SNTA1: variants seen among roughly 807,000 people sequenced by gnomAD.
SNTA1 encodes the protein syntrophin alpha 1.
In SNTA1, 31 loss-of-function variants were observed where a neutral mutation model predicts 47.1. The ratio of observed to expected loss-of-function variants is 0.66; its 90% CI spans 0.49 to 0.89. The LOEUF is 0.89. Among genes scored for constraint, SNTA1 ranks in the 40% least tolerant of loss-of-function variants. The pLI, the probability that SNTA1 is intolerant of heterozygous loss-of-function variation, is 0.00. For synonymous variants in SNTA1, 300 were observed against 313.6 expected, an observed-to-expected ratio of 0.96 and a Z score of 0.46; for missense variants, 575 against 693.0, an observed-to-expected ratio of 0.83 and a Z score of 1.91.
At chr20:33,439,275 G>T (rs944925348) in intron 1 of SNTA1, among the ~76,000 whole-genome samples, 2 of 152,080 alleles carry the variant, frequency 1.3e-5, no homozygotes, top group African/African-American at 4.8e-5. Flanking sequence ...AGGCTGAGGT[G>T]GGCAGGTCAC....
At chr20:33,429,770 A>AT (rs1191395397) in intron 2 of SNTA1, among the ~76,000 whole-genome samples, 8 of 150,726 alleles carry the variant, frequency 5.3e-5, no homozygotes, top group South Asian at 2.1e-4. Flanking sequence ...TGAGCCACTT[A>AT]TTTTTTTTTC....
intron 2 of SNTA1, among the ~76,000 whole-genome samples, chr20:33,433,313 G>A (rs1159079121): frequency 1.4e-5 from 2 of 145,998 alleles, no homozygotes; most frequent in Admixed American, 7.0e-5. Flanking sequence ...GCCCCAGGCT[G>A]GAGTACAATG....
intron 2 of SNTA1, among the ~76,000 whole-genome samples, chr20:33,419,250 G>A (rs748043450): frequency 7.2e-5 from 11 of 152,162 alleles, no homozygotes; most frequent in Non-Finnish European, 1.2e-4. Flanking sequence ...AGGGCCATCT[G>A]GCTTGCTAGC....
At chr20:33,421,659 A>G (rs1310759858) in intron 2 of SNTA1, among the ~76,000 whole-genome samples, 2 of 148,876 alleles carry the variant, frequency 1.3e-5, no homozygotes, top group African/African-American at 2.5e-5. Flanking sequence ...ATAAAAATAA[A>G]AGATTAATAA....
chr20:33,437,672 T>C lies in SNTA1; in HGVS notation c.496+1169A>G, dbSNP rs191998448. 3.6e-3 allele frequency among the ~76,000 whole-genome samples: 551 copies of C among 152,290 alleles called. 7 individuals carry two copies. Among genetic ancestry groups the C allele is most frequent in the Middle Eastern group, 0.017 (5 of 294 alleles). On this transcript the variant is annotated intron_variant, in intron 2 of 7. Transcript: ENST00000217381. Reference sequence around the variant, plus strand: ...AACTCAGCAGCTTCTCTGGCCGTGTTATTCTCCATCAGCCCCCGCCACCTC... The same window carrying C: ...AACTCAGCAGCTTCTCTGGCCGTGTCATTCTCCATCAGCCCCCGCCACCTC...
intron 2 of SNTA1, among the ~76,000 whole-genome samples, chr20:33,420,873 A>G (rs1772168307): frequency 6.6e-6 from 1 of 151,910 alleles, no homozygotes; most frequent in African/African-American, 2.4e-5. Flanking sequence ...AATCCCAGCT[A>G]CTTGGGAGGC....
chr20:33,412,952 C>T (rs1989781847), intron 3 of SNTA1, among the ~76,000 whole-genome samples, 170 bp from the exon 4 acceptor site: 1 of 152,122 alleles, frequency 6.6e-6, no homozygotes, highest in African/African-American at 2.4e-5. Context: ...GCTGGGGCTT[C>T]ATGGGGCATA....
chr20:33,438,940 C>T lies in SNTA1; in HGVS notation c.397G>A (p.Asp133Asn). Residue 133 changes from aspartate to asparagine, a missense_variant, in exon 2 of 8, where the codon GAT becomes AAT. Transcript: ENST00000217381. ...ADQTEALFVG[D>N]AILSVNGEDL... Reference sequence around the variant, plus strand: ...TCCCCATTCACAGACAGGATGGCATCCCCCACAAAAAGGGCCTCTGTCTGG... The same window carrying T: ...TCCCCATTCACAGACAGGATGGCATTCCCCACAAAAAGGGCCTCTGTCTGG... The T allele has an allele frequency of 6.2e-7, 1 of 1,614,024 alleles. No homozygotes were observed. The highest frequency in any genetic ancestry group is 8.5e-7 in the Non-Finnish European group (1 of 1,179,896).
At chr20:33,443,248 C>A (rs911596852) in intron 1 of SNTA1, 63 bp downstream of exon 1, 15 of 1,316,734 alleles carry the variant, frequency 1.1e-5, no homozygotes, top group Non-Finnish European at 1.4e-5. Flanking sequence ...GCGCTGCCAG[C>A]CCCCTGCGCC....
chr20:33,430,466 G>A lies in SNTA1; in HGVS notation c.496+8375C>T, dbSNP rs368900517. ...AAATTTTGTATTTTTAGTAGAGACGGGGTTTCACCATGTTTACCAGGCTAG... is the reference window on the plus strand; with the variant it reads ...AAATTTTGTATTTTTAGTAGAGACGAGGTTTCACCATGTTTACCAGGCTAG... On this transcript the variant is annotated intron_variant, in intron 2 of 7. Transcript: ENST00000217381. Among the ~76,000 whole-genome samples the A allele has an allele frequency of 2.0e-5, 3 of 150,592 alleles. No homozygotes were observed. In the East Asian group the frequency reaches 6.0e-4, roughly 30 times the overall value.
intron 3 of SNTA1, among the ~76,000 whole-genome samples, chr20:33,416,521 T>A (rs547996261): frequency 1.3e-5 from 2 of 152,102 alleles, no homozygotes; most frequent in East Asian, 3.9e-4. Context: ...AAAATGGAGG[T>A]GAGCCGGGAA....
In SNTA1 at chr20:33,412,667, G is replaced by A. The variant is rs750459988; in HGVS notation, c.817C>T (p.Pro273Ser). 84 of 1,613,798 alleles carry A rather than the reference G, an allele frequency of 5.2e-5. No homozygotes were observed. Among genetic ancestry groups the A allele is most frequent in the Non-Finnish European group, 6.6e-5 (78 of 1,180,032 alleles). Residue 273 changes from proline to serine, a missense_variant, in exon 4 of 8, where the codon CCG becomes TCG. Pro to Ser is a moderately conservative substitution (Grantham distance 74, BLOSUM62 -1). Coordinates refer to ENST00000217381, the MANE Select transcript of SNTA1 (RefSeq NM_003098.3). ...AIQAQVNTLT[P>S]RVKDELQALL... ...GCCTGCAGCTCATCCTTGACCCGCG[G>A]CGTCAGAGTATTGACCTGGGCTTGG...
chr20:33,443,568 C>A lies in SNTA1; in HGVS notation c.53G>T (p.Gly18Val). 7.6e-7 allele frequency: 1 copy of A among 1,323,128 alleles called. No homozygotes were observed. Among genetic ancestry groups the A allele is most frequent in the South Asian group, 1.8e-5 (1 of 55,246 alleles). 82.0% of individuals were successfully genotyped at this position (1,323,128 alleles called of 1,614,324 possible). The change falls in exon 1 of 8, where the codon GGG (glycine) becomes GTG (valine). Residue 18 changes from glycine (G) to valine (V), a missense_variant. Coordinates refer to ENST00000217381, the MANE Select transcript of SNTA1 (RefSeq NM_003098.3). ...CTCGCCGCCGGCCCCCGAGCCCGCC[C>A]CGGCGCGCAGCTCCAGCAGCCCGGT... is the stretch of plus-strand genomic sequence containing the variant. ...PRTGLLELRA[G>V]AGSGAGGERW... is the part of the protein sequence containing the mutation.
At chr20:33,417,973 A>C in intron 2 of SNTA1, 50 bp from the exon 3 acceptor site, 3 of 1,189,892 alleles carry the variant, frequency 2.5e-6, no homozygotes, top group Non-Finnish European at 2.5e-6. Context: ...GGCTCCCAGC[A>C]CATATCACAA....
intron 2 of SNTA1, among the ~76,000 whole-genome samples, chr20:33,432,841 C>G (rs994246058): frequency 1.6e-4 from 25 of 152,154 alleles, no homozygotes; most frequent in African/African-American, 5.8e-4. Flanking sequence ...GGCTGGGCAA[C>G]AGAGTGAGAT....
chr20:33,433,723 C>T (rs1457382006), intron 2 of SNTA1, among the ~76,000 whole-genome samples: 1 of 152,186 alleles, frequency 6.6e-6, no homozygotes, highest in Non-Finnish European at 1.5e-5. Context: ...TTGAGGTCTG[C>T]ACACACAACG....
Position 33,443,470 on chromosome 20 carries a change from G to T in SNTA1, c.151C>A (p.Pro51Thr). The part of the protein sequence containing the change: ...TVSPADGDPG[P>T]EPGAPREQEP... The stretch of plus-strand genomic sequence containing the variant: ...TGCTCCCGCGGAGCGCCGGGCTCGG[G>T]ACCAGGGTCGCCGTCGGCGGGGCTC... The change falls in exon 1 of 8, where the codon CCC becomes ACC. Residue 51 changes from proline (P) to threonine (T), a missense_variant. Pro to Thr is a conservative substitution (Grantham distance 38, BLOSUM62 -1). Transcript: ENST00000217381. The T allele has an allele frequency of 7.3e-7, 1 of 1,378,732 alleles. No homozygotes were observed. The highest frequency in any genetic ancestry group is 1.6e-5 in the South Asian group (1 of 62,854). The allele number at this position is 1,378,732 out of a possible 1,614,324, so 85.4% of individuals were successfully genotyped here.
rs1487271254 is a variant in SNTA1 at position 33,408,173 on chromosome 20, C to A, written c.*334G>T. Reference sequence around the variant, plus strand: ...GGTGGCTTAGGGGCCTCGAGGAGGCCCGGCAGCTCAGCTGTTGGCTGGGGT... The same window carrying A: ...GGTGGCTTAGGGGCCTCGAGGAGGCACGGCAGCTCAGCTGTTGGCTGGGGT... On this transcript the variant is annotated 3_prime_UTR_variant, in exon 8 of 8. Transcript: ENST00000217381. 7.9e-6 allele frequency: 3 copies of A among 381,500 alleles called. No homozygotes were observed. The highest frequency in any genetic ancestry group is 1.5e-5 in the Non-Finnish European group (3 of 199,360). 23.6% of individuals were successfully genotyped at this position (381,500 alleles called of 1,614,324 possible).
In SNTA1 at chr20:33,443,668, GC is replaced by G; in HGVS notation, c.-49del. On this transcript the variant is annotated 5_prime_UTR_variant, in exon 1 of 8. Coordinates refer to ENST00000217381, the MANE Select transcript of SNTA1 (RefSeq NM_003098.3). The stretch of plus-strand genomic sequence containing the variant: ...CGCCGCGCTCGCCCTGTCCCGCTTT[GC>G]CCAGCCCGCTCCGACCAAGCGCCCA... 2 of 1,121,506 alleles carry G rather than the reference GC, an allele frequency of 1.8e-6. No individual in the cohort carries two copies. Among genetic ancestry groups the G allele is most frequent in the Non-Finnish European group, 1.1e-6 (1 of 910,354 alleles). 69.5% of individuals were successfully genotyped at this position (1,121,506 alleles called of 1,614,324 possible).
Sources: allele counts gnomAD v4.1 joint callset (sites outside exome capture counted in the v4.1 genomes callset), GRCh38; gene constraint gnomAD v4.1.1; transcripts MANE v1.5; gene names NCBI Gene and HGNC (gene_info 2026-07-23, HGNC 2026-07-21).